PYY: variants seen among roughly 807,000 people sequenced by gnomAD.
PYY encodes the protein peptide tyrosine tyrosine.
In PYY, 12 loss-of-function variants were observed where a neutral mutation model predicts 10.3. The ratio of observed to expected loss-of-function variants is 1.17; its 90% confidence interval spans 0.75 to 1.89. PYY has a LOEUF of 1.89. Ranked by LOEUF, PYY falls within the 40% of genes most tolerant of loss-of-function variation. The pLI is 0.00. For synonymous variants in PYY, 66 were observed against 62.0 expected (o/e 1.06, Z -0.30); for missense variants, 141 against 134.0 (o/e 1.05, Z -0.26).
At chr17:43,992,909 G>A (rs1434315475) in intron 1 of PYY, among the ~76,000 whole-genome samples, 7 of 124,014 alleles carry the variant, frequency 5.6e-5, no homozygotes, top group Non-Finnish European at 8.5e-5. Flanking sequence ...CAGAGGAAGC[G>A]TGTCTGCCTT....
At chr17:43,971,815 G>A (rs1684664) in intron 1 of PYY, among the ~76,000 whole-genome samples, 126,380 of 151,820 alleles carry the variant, frequency 0.83, 52,980 homozygotes, top group East Asian at 1. Context: ...TGGTTTTTTC[G>A]TTTTCTTAAC....
chr17:43,986,004 C>T (rs899781113), intron 1 of PYY, among the ~76,000 whole-genome samples: 1 of 152,102 alleles, frequency 6.6e-6, no homozygotes, highest in Non-Finnish European at 1.5e-5. Context: ...CGCCTGTAAT[C>T]CCAGCACTTT....
chr17:43,955,477 A>G (rs1385251464), upstream of PYY, among the ~76,000 whole-genome samples: 4 of 152,196 alleles, frequency 2.6e-5, no homozygotes, highest in East Asian at 7.7e-4. Context: ...GCTCCTTATC[A>G]GCCAGTCAGG....
chr17:43,957,352 A>G (rs762299404), upstream of PYY, among the ~76,000 whole-genome samples: 10 of 151,904 alleles, frequency 6.6e-5, no homozygotes, highest in Non-Finnish European at 8.8e-5. Flanking sequence ...GACAGGAAAT[A>G]GAAAATAAAT....
At chr17:43,972,576 T>C (rs1352540293) in intron 1 of PYY, among the ~76,000 whole-genome samples, 2 of 151,606 alleles carry the variant, frequency 1.3e-5, no homozygotes, top group East Asian at 3.9e-4. Flanking sequence ...TCACCGAGGC[T>C]GGAATGCAGT....
chr17:43,970,563 A>C (rs973794057), intron 1 of PYY, among the ~76,000 whole-genome samples: 3 of 152,220 alleles, frequency 2.0e-5, no homozygotes, highest in Non-Finnish European at 4.4e-5. Context: ...AGCTAGGTCA[A>C]TGGAACAGAA....
chr17:43,979,169 T>C (rs567432814), intron 1 of PYY, among the ~76,000 whole-genome samples: 1 of 152,316 alleles, frequency 6.6e-6, no homozygotes, highest in South Asian at 2.1e-4. Flanking sequence ...GATTTCCAGA[T>C]TGGCAGCAGC....
intron 3 of PYY, 34 bp downstream of exon 3, chr17:43,953,075 C>A: frequency 1.2e-6 from 2 of 1,610,680 alleles, no homozygotes; most frequent in Non-Finnish European, 1.7e-6. Flanking sequence ...GCCGCGCTCT[C>A]GGATGCAGGA....
At chr17:43,965,529 C>T (rs776640608) in intron 2 of PYY, among the ~76,000 whole-genome samples, 2 of 148,642 alleles carry the variant, frequency 1.3e-5, no homozygotes, top group Admixed American at 6.7e-5. Context: ...GTGACTCACA[C>T]CTGTAATCTC....
At chr17:43,976,946 T>C (rs1324126972) in intron 1 of PYY, among the ~76,000 whole-genome samples, 1 of 152,060 alleles carries the variant, frequency 6.6e-6, no homozygotes, top group Non-Finnish European at 1.5e-5. Context: ...CCCTACCCGA[T>C]ACACATCCCT....
chr17:43,972,034 C>T (rs987311677), intron 1 of PYY, among the ~76,000 whole-genome samples: 17 of 151,700 alleles, frequency 1.1e-4, no homozygotes, highest in African/African-American at 4.1e-4. Context: ...TATGAGGTTT[C>T]GGTTGAAATT....
At chr17:43,994,840 C>CG (rs1216285050) in intron 1 of PYY, among the ~76,000 whole-genome samples, 1 of 152,192 alleles carries the variant, frequency 6.6e-6, no homozygotes, top group Non-Finnish European at 1.5e-5. Context: ...GCCCAACGAA[C>CG]GGGAGGGCGC....
chr17:44,002,932 C>T, intron 1 of PYY, among the ~76,000 whole-genome samples: 1 of 152,192 alleles, frequency 6.6e-6, no homozygotes. Flanking sequence ...CACCTGCTAA[C>T]CTTCCATGTT....
intron 1 of PYY, among the ~76,000 whole-genome samples, chr17:43,972,502 C>T (rs1379995790): frequency 6.6e-6 from 1 of 151,124 alleles, no homozygotes; most frequent in Non-Finnish European, 1.5e-5. Flanking sequence ...AGGCGTGAGC[C>T]GCCACACCCG....
chr17:43,965,621 C>G (rs948049153), intron 2 of PYY, among the ~76,000 whole-genome samples: 12 of 151,790 alleles, frequency 7.9e-5, no homozygotes, highest in South Asian at 4.2e-4. Context: ...GAAACCCCGT[C>G]TGTACCCAAA....
At chr17:43,966,635 C>G (rs2048757234) in intron 1 of PYY, 1 of 152,210 alleles carries the variant, frequency 6.6e-6, no homozygotes. Context: ...GCCCTTTACC[C>G]CAACACTCCC....
upstream of PYY, among the ~76,000 whole-genome samples, chr17:43,957,259 G>A (rs2048679262): frequency 1.3e-5 from 2 of 151,742 alleles, no homozygotes; most frequent in Admixed American, 1.3e-4. Context: ...TCCCTGCTGT[G>A]TGCCAGGCAC....
intron 1 of PYY, among the ~76,000 whole-genome samples, chr17:43,992,887 G>A (rs1215660931): frequency 1.3e-5 from 2 of 150,958 alleles, no homozygotes; most frequent in Non-Finnish European, 2.9e-5. Flanking sequence ...GCTGGAACAG[G>A]GGGAGGATTG....
intron 1 of PYY, among the ~76,000 whole-genome samples, chr17:43,988,057 T>C (rs1438828604): frequency 6.6e-6 from 1 of 151,966 alleles, no homozygotes; most frequent in Non-Finnish European, 1.5e-5. Flanking sequence ...GCCATCCCAC[T>C]CATCCATCAC....
Sources: allele counts gnomAD v4.1 joint callset (sites outside exome capture counted in the v4.1 genomes callset), GRCh38; gene constraint gnomAD v4.1.1; transcripts MANE v1.5; gene names NCBI Gene and HGNC (gene_info 2026-07-23, HGNC 2026-07-21).